CLDN16: variants seen among roughly 807,000 people sequenced by gnomAD.
CLDN16 encodes the protein claudin 16.
A neutral mutation model predicts 24.6 loss-of-function variants in CLDN16; 13 were observed. The ratio of observed to expected loss-of-function variants is 0.53; its 90% CI spans 0.34 to 0.84. CLDN16 has a LOEUF of 0.84. CLDN16 is among the 40% of genes least tolerant of loss of function. CLDN16 has a pLI of 0.01. For missense variants in CLDN16, 298 were observed against 292.7 expected, an observed-to-expected ratio of 1.02 and a Z score of -0.13; for synonymous variants, 116 against 106.7, an observed-to-expected ratio of 1.09 and a Z score of -0.54.
intron 1 of CLDN16, among the ~76,000 whole-genome samples, chr3:190,399,664 T>G (rs1423657601): frequency 6.6e-6 from 1 of 152,222 alleles, no homozygotes; most frequent in Non-Finnish European, 1.5e-5. Context: ...AACATTTATT[T>G]TTTGTTGGAA....
the CLDN16 span, among the ~76,000 whole-genome samples, chr3:190,315,595 A>G: frequency 6.6e-6 from 1 of 152,210 alleles, no homozygotes; most frequent in Non-Finnish European, 1.5e-5. Context: ...CATCTATAGC[A>G]TCTTACATTT....
At chr3:190,334,869 T>A (rs1398480004) in intron 1 of CLDN16, among the ~76,000 whole-genome samples, 2 of 152,198 alleles carry the variant, frequency 1.3e-5, no homozygotes, top group Non-Finnish European at 2.9e-5. Flanking sequence ...GGTTGACCTA[T>A]GCAATGGTGG....
At chr3:190,291,128 A>G in the CLDN16 span, among the ~76,000 whole-genome samples, 216 of 152,284 alleles carry the variant, frequency 1.4e-3, 2 homozygotes, top group African/African-American at 5.0e-3. Context: ...CAGAGGGTAC[A>G]GCAAATGTAA....
At chr3:190,349,462 G>T (rs1259686222) in intron 1 of CLDN16, among the ~76,000 whole-genome samples, 1 of 152,078 alleles carries the variant, frequency 6.6e-6, no homozygotes, top group Non-Finnish European at 1.5e-5. Flanking sequence ...AATTACCCAG[G>T]CTCAGGTAGG....
At chr3:190,355,207 T>G (rs1241236874) in intron 1 of CLDN16, among the ~76,000 whole-genome samples, 2 of 151,996 alleles carry the variant, frequency 1.3e-5, no homozygotes, top group Non-Finnish European at 2.9e-5. Flanking sequence ...TAATTAAATG[T>G]CTGTGATAAA....
chr3:190,349,133 G>C (rs1717618681), intron 1 of CLDN16, among the ~76,000 whole-genome samples: 1 of 152,174 alleles, frequency 6.6e-6, no homozygotes, highest in Admixed American at 6.5e-5. Flanking sequence ...TAAGACCCTG[G>C]TATGGTTTTT....
At chr3:190,365,101 A>C (rs975179555) in intron 1 of CLDN16, among the ~76,000 whole-genome samples, 1 of 151,740 alleles carries the variant, frequency 6.6e-6, no homozygotes, top group Admixed American at 6.6e-5. Flanking sequence ...TTGGCTGTTT[A>C]TCTCTTCCTA....
chr3:190,385,565 T>C (rs1718473953), upstream of CLDN16, among the ~76,000 whole-genome samples: 1 of 78,346 alleles, frequency 1.3e-5, no homozygotes, highest in East Asian at 4.6e-4. Flanking sequence ...AATGCTATAG[T>C]CTAGATTTTT....
intron 1 of CLDN16, among the ~76,000 whole-genome samples, chr3:190,392,159 A>G (rs905383417): frequency 6.7e-6 from 1 of 149,526 alleles, no homozygotes; most frequent in Non-Finnish European, 1.5e-5. Context: ...ACTTCTCCAG[A>G]CATTTCCATT....
intron 1 of CLDN16, among the ~76,000 whole-genome samples, chr3:190,366,070 A>G (rs1038348987): frequency 1.3e-5 from 2 of 151,914 alleles, no homozygotes; most frequent in Non-Finnish European, 2.9e-5. Flanking sequence ...AAGTTTAAAG[A>G]TCCTACTTCT....
chr3:190,364,135 C>T (rs778083689), intron 1 of CLDN16, among the ~76,000 whole-genome samples: 2 of 151,848 alleles, frequency 1.3e-5, no homozygotes, highest in African/African-American at 2.4e-5. Context: ...CCTTTTTCCT[C>T]GTCCTTCAGC....
chr3:190,400,764 T>C (rs1479975815), intron 1 of CLDN16, among the ~76,000 whole-genome samples: 2 of 152,204 alleles, frequency 1.3e-5, no homozygotes, highest in African/African-American at 4.8e-5. Flanking sequence ...CTATTGTGAA[T>C]AGTGTCACAA....
chr3:190,358,207 T>C (rs190829783), intron 1 of CLDN16, among the ~76,000 whole-genome samples: 3 of 152,100 alleles, frequency 2.0e-5, no homozygotes, highest in East Asian at 3.9e-4. Context: ...TGCTTTTTTT[T>C]CTTTTTCCCT....
the CLDN16 span, among the ~76,000 whole-genome samples, chr3:190,310,719 T>C: frequency 8.5e-5 from 13 of 152,210 alleles, 1 homozygote; most frequent in South Asian, 2.5e-3. Context: ...AGCAGCTAGA[T>C]AGAGTGAGAT....
intron 1 of CLDN16, among the ~76,000 whole-genome samples, chr3:190,399,975 C>A (rs972893221): frequency 2.0e-5 from 3 of 152,152 alleles, no homozygotes; most frequent in Non-Finnish European, 4.4e-5. Flanking sequence ...TCCTTACAAG[C>A]ACCTAATGCC....
intron 1 of CLDN16, among the ~76,000 whole-genome samples, chr3:190,395,692 T>C (rs1242137026): frequency 6.6e-6 from 1 of 152,080 alleles, no homozygotes; most frequent in East Asian, 1.9e-4. Context: ...GTGTGAAAAT[T>C]ATAAATTCTT....
intron 1 of CLDN16, among the ~76,000 whole-genome samples, chr3:190,400,939 C>G: frequency 6.6e-6 from 1 of 152,174 alleles, no homozygotes; most frequent in Non-Finnish European, 1.5e-5. Flanking sequence ...ACTATGCTTT[C>G]TTGGGGTTAC....
intron 1 of CLDN16, among the ~76,000 whole-genome samples, chr3:190,360,268 C>G (rs138739601): frequency 1.3e-5 from 2 of 151,816 alleles, no homozygotes; most frequent in Non-Finnish European, 2.9e-5. Flanking sequence ...TCTAAGCTTC[C>G]GATATTCAGC....
intron 1 of CLDN16, among the ~76,000 whole-genome samples, chr3:190,341,144 G>A (rs889021675): frequency 6.6e-6 from 1 of 152,298 alleles, no homozygotes. Flanking sequence ...CCATTATGGG[G>A]TCTAGAGGAT....
Sources: allele counts gnomAD v4.1 joint callset (sites outside exome capture counted in the v4.1 genomes callset), GRCh38; gene constraint gnomAD v4.1.1; transcripts MANE v1.5; gene names NCBI Gene and HGNC (gene_info 2026-07-23, HGNC 2026-07-21).